Variants in WDHD1 observed in about 807,000 individuals in gnomAD.
WDHD1 encodes the protein WD repeat and HMG-box DNA-binding protein 1.
A neutral mutation model predicts 135.4 loss-of-function variants in WDHD1; 111 were observed. The observed-to-expected ratio is 0.82, with a 90% CI of 0.70 to 0.96. WDHD1 has a LOEUF of 0.96. WDHD1 is among the 40% of genes least tolerant of loss of function. WDHD1 has a pLI of 0.00. For missense variants in WDHD1, 1,351 were observed against 1,336.3 expected, an observed-to-expected ratio of 1.01 and a Z score of -0.17; for synonymous variants, 434 against 439.0, an observed-to-expected ratio of 0.99 and a Z score of 0.14.
chr14:55,025,604 T>C (rs1438628683), intron 2 of WDHD1, among the ~76,000 whole-genome samples: 4 of 152,200 alleles, frequency 2.6e-5, no homozygotes. Context: ...CCTGATCACA[T>C]CTCTCTGCTT....
intron 11 of WDHD1, among the ~76,000 whole-genome samples, chr14:54,993,960 G>A (rs1373955328): frequency 6.6e-6 from 1 of 152,204 alleles, no homozygotes; most frequent in East Asian, 1.9e-4. Flanking sequence ...TTTGAGGACT[G>A]CTGTTCTATA....
At chr14:54,980,787 G>C (rs2041605021) in intron 16 of WDHD1, among the ~76,000 whole-genome samples, 1 of 136,516 alleles carries the variant, frequency 7.3e-6, no homozygotes, top group Non-Finnish European at 1.5e-5. Flanking sequence ...CTGGGTGACA[G>C]AGTGAGACTC....
chr14:54,953,229 A>G (rs1002952663), intron 24 of WDHD1, among the ~76,000 whole-genome samples: 11 of 152,230 alleles, frequency 7.2e-5, no homozygotes, highest in African/African-American at 2.7e-4. Flanking sequence ...TACCCATCTG[A>G]CAAAGGGCTA....
At chr14:54,965,772 G>A (rs1254448878) in intron 18 of WDHD1, among the ~76,000 whole-genome samples, 2 of 151,616 alleles carry the variant, frequency 1.3e-5, no homozygotes, top group African/African-American at 4.8e-5. Flanking sequence ...CCTGACCAAT[G>A]TGGTGAAACC....
chr14:54,967,785 T>TA (rs1361260214), intron 16 of WDHD1, among the ~76,000 whole-genome samples: 2 of 152,122 alleles, frequency 1.3e-5, no homozygotes, highest in Non-Finnish European at 2.9e-5. Flanking sequence ...CATGCCTGGC[T>TA]AACTTTTGTA....
intron 10 of WDHD1, among the ~76,000 whole-genome samples, chr14:54,996,940 T>C (rs564393448): frequency 2.7e-5 from 4 of 150,594 alleles, no homozygotes; most frequent in African/African-American, 9.9e-5. Flanking sequence ...TACAGGCGCA[T>C]GCCACCATGC....
intron 3 of WDHD1, among the ~76,000 whole-genome samples, chr14:55,012,902 T>C (rs2042194409): frequency 2.0e-5 from 3 of 152,224 alleles, no homozygotes; most frequent in South Asian, 4.1e-4. Flanking sequence ...CAACACATGC[T>C]TTTAGGGGAA....
At chr14:55,011,998 T>C (rs951613165) in intron 3 of WDHD1, among the ~76,000 whole-genome samples, 1 of 145,880 alleles carries the variant, frequency 6.9e-6, no homozygotes, top group Non-Finnish European at 1.5e-5. Flanking sequence ...CAATTTGCTC[T>C]AAAAAAAAAA....
intron 11 of WDHD1, among the ~76,000 whole-genome samples, chr14:54,994,278 A>G (rs1012647324): frequency 7.2e-5 from 11 of 152,264 alleles, no homozygotes; most frequent in Admixed American, 5.9e-4. Flanking sequence ...CTTTCAGAAA[A>G]TTCGTCTATT....
At chr14:54,947,260 A>T (rs2040942888) in intron 24 of WDHD1, among the ~76,000 whole-genome samples, 2 of 151,878 alleles carry the variant, frequency 1.3e-5, no homozygotes, top group South Asian at 4.2e-4. Context: ...AATCACTTGA[A>T]CCCAGAGGCA....
At chr14:54,951,969 T>G (rs1384300638) in intron 24 of WDHD1, among the ~76,000 whole-genome samples, 1 of 152,148 alleles carries the variant, frequency 6.6e-6, no homozygotes, top group Non-Finnish European at 1.5e-5. Flanking sequence ...TCTCAATAAA[T>G]TAGGTATTGA....
intron 24 of WDHD1, among the ~76,000 whole-genome samples, chr14:54,949,542 T>C (rs1161449832): frequency 6.6e-6 from 1 of 151,754 alleles, no homozygotes; most frequent in East Asian, 1.9e-4. Context: ...TACCTGAAAG[T>C]GACAGGGAGA....
intron 4 of WDHD1, 21 bp from the exon 5 acceptor site, chr14:55,008,740 G>T (rs377007221): frequency 2.2e-5 from 33 of 1,524,838 alleles, no homozygotes; most frequent in Non-Finnish European, 2.8e-5. Context: ...AAAGAGTAAC[G>T]CAAATGAATA....
chr14:54,947,711 C>T (rs1157475728), intron 24 of WDHD1, among the ~76,000 whole-genome samples: 1 of 151,932 alleles, frequency 6.6e-6, no homozygotes, highest in African/African-American at 2.4e-5. Context: ...CCTGCCTCAG[C>T]CTCCCAAGTA....
At chr14:55,004,438 T>C (rs1256769959) in intron 7 of WDHD1, among the ~76,000 whole-genome samples, 1 of 152,220 alleles carries the variant, frequency 6.6e-6, no homozygotes, top group East Asian at 1.9e-4. Context: ...CTTTCCCTTT[T>C]TTTTTAGCAA....
chr14:55,004,416 T>A (rs934956511), intron 7 of WDHD1, among the ~76,000 whole-genome samples: 2 of 152,202 alleles, frequency 1.3e-5, no homozygotes, highest in Admixed American at 1.3e-4. Flanking sequence ...AACTTTTCAT[T>A]TTCCACATGG....
chr14:54,943,166 TCTAA>T (rs1189124480), intron 25 of WDHD1, among the ~76,000 whole-genome samples: 1 of 152,210 alleles, frequency 6.6e-6, no homozygotes, highest in Non-Finnish European at 1.5e-5. Context: ...TCCTTCCACT[TCTAA>T]CTGAGAGATT....
At chr14:55,022,832 T>C (rs1235818491) in intron 2 of WDHD1, among the ~76,000 whole-genome samples, 1 of 151,052 alleles carries the variant, frequency 6.6e-6, no homozygotes, top group African/African-American at 2.4e-5. Context: ...TTCTTTTTTT[T>C]TTTTTTTTTG....
chr14:54,962,036 C>T (rs975007830), intron 21 of WDHD1, among the ~76,000 whole-genome samples: 1 of 152,162 alleles, frequency 6.6e-6, no homozygotes, highest in Non-Finnish European at 1.5e-5. Flanking sequence ...GGGGTTTCAC[C>T]GTGTTGGCCA....
Sources: allele counts gnomAD v4.1 joint callset (sites outside exome capture counted in the v4.1 genomes callset), GRCh38; gene constraint gnomAD v4.1.1; transcripts MANE v1.5; gene names NCBI Gene and HGNC (gene_info 2026-07-23, HGNC 2026-07-21).